Variants in NALF1 observed in about 807,000 individuals in gnomAD.
NALF1 encodes the protein family with sequence similarity 155 member A.
NALF1 carries 3 observed loss-of-function variants against 48.4 expected under a neutral mutation model. That is an observed-to-expected ratio of 0.06 (90% CI 0.03 to 0.16). The LOEUF (loss-of-function observed/expected upper bound fraction) is 0.16, where lower values mean the gene tolerates loss of function less well. Among genes scored for constraint, NALF1 ranks in the 10% least tolerant of loss-of-function variants. The probability of loss-of-function intolerance (pLI) is 1.00; values close to 1 mark genes in which losing one functional copy is unlikely to be tolerated. For synonymous variants in NALF1, 262 were observed against 245.7 expected (o/e 1.07, Z -0.62); for missense variants, 526 against 571.5 (o/e 0.92, Z 0.81).
chr13:107,459,763 C>T lies in NALF1; in HGVS notation c.916-249008G>A, dbSNP rs190577503. Among the ~76,000 whole-genome samples the T allele has an allele frequency of 3.3e-5, 5 of 152,186 alleles. No individual in the cohort carries two copies. The East Asian group carries it at 9.7e-4, about 30-fold the overall frequency. ...TTTTTTATTTTTTATTTTCTTGAGT[C>T]AGGGTCTCTCTGTGTCTCCCAGGCT... is the stretch of plus-strand genomic sequence containing the variant. On this transcript the variant is annotated intron_variant, in intron 1 of 2. Transcript: ENST00000375915.
chr13:107,840,349 C>A (rs1358693432), intron 1 of NALF1, among the ~76,000 whole-genome samples: 1 of 152,162 alleles, frequency 6.6e-6, no homozygotes. Flanking sequence ...TTATTTCTTG[C>A]ATTTTAAAAG....
chr13:107,796,381 G>A (rs9520584), intron 1 of NALF1, among the ~76,000 whole-genome samples: 50,405 of 152,000 alleles, frequency 0.33, 8,954 homozygotes, highest in Admixed American at 0.43. Flanking sequence ...ATACTTTTGT[G>A]TAATGTTTTG....
chr13:107,690,604 C>G (rs969393440), intron 1 of NALF1, among the ~76,000 whole-genome samples: 1 of 152,138 alleles, frequency 6.6e-6, no homozygotes, highest in African/African-American at 2.4e-5. Context: ...AGCAATGATA[C>G]TATCTCAAGG....
intron 1 of NALF1, among the ~76,000 whole-genome samples, chr13:107,412,445 T>G (rs1394309484): frequency 6.6e-6 from 1 of 152,154 alleles, no homozygotes; most frequent in Non-Finnish European, 1.5e-5. Context: ...ATTTCATAGA[T>G]AATTTCACAT....
Position 107,859,799 on chromosome 13 carries a change from C to CACCTACT in NALF1, c.915+5876_915+5882dup, listed in dbSNP as rs1474352205. ...GCTATAATCGCAGCTACTGTAATCCCACCTACTCAGGAGACTGAGGCAGGA... is the reference window on the plus strand; with the variant it reads ...GCTATAATCGCAGCTACTGTAATCCCACCTACTACCTACTCAGGAGACTGAGGCAGGA... On this transcript the variant is annotated intron_variant, in intron 1 of 2. Coordinates refer to ENST00000375915, the MANE Select transcript of NALF1 (RefSeq NM_001080396.3). Among the ~76,000 whole-genome samples, 40 of 151,482 alleles carry CACCTACT rather than the reference C, an allele frequency of 2.6e-4. 1 individual carries two copies. The highest frequency in any genetic ancestry group is 9.2e-4 in the African/African-American group (38 of 41,276).
At chr13:107,267,741 C>T in intron 1 of NALF1, among the ~76,000 whole-genome samples, 1 of 152,150 alleles carries the variant, frequency 6.6e-6, no homozygotes, top group Middle Eastern at 3.2e-3. Context: ...CTCACTCCAC[C>T]CTTGTGCTTT....
intron 1 of NALF1, among the ~76,000 whole-genome samples, chr13:107,371,855 T>C (rs925433206): frequency 2.6e-5 from 4 of 152,244 alleles, no homozygotes; most frequent in African/African-American, 9.6e-5. Context: ...GTGTTAACAT[T>C]TTATTACAGT....
intron 1 of NALF1, among the ~76,000 whole-genome samples, chr13:107,777,921 A>C (rs2138575731): frequency 6.6e-6 from 1 of 152,374 alleles, no homozygotes; most frequent in African/African-American, 2.4e-5. Flanking sequence ...TATTTTTACA[A>C]CATACTCCCA....
intron 1 of NALF1, among the ~76,000 whole-genome samples, chr13:107,415,793 T>C (rs571944026): frequency 6.6e-6 from 1 of 152,286 alleles, no homozygotes; most frequent in Non-Finnish European, 1.5e-5. Flanking sequence ...ATACCCAAAT[T>C]AGGTGATACA....
chr13:107,558,300 A>G (rs1490393997), intron 1 of NALF1, among the ~76,000 whole-genome samples: 4 of 152,008 alleles, frequency 2.6e-5, no homozygotes, highest in African/African-American at 4.8e-5. Context: ...ATTGTACATT[A>G]TTATTTATTC....
intron 1 of NALF1, among the ~76,000 whole-genome samples, chr13:107,822,314 A>ATTT (rs5806697): frequency 0.14 from 20,055 of 146,650 alleles, 1,608 homozygotes; most frequent in East Asian, 0.35. Flanking sequence ...ATGCAAAAGT[A>ATTT]TTTTTTTTTT....
At chr13:107,306,152 T>C (rs1881932654) in intron 1 of NALF1, among the ~76,000 whole-genome samples, 2 of 152,168 alleles carry the variant, frequency 1.3e-5, no homozygotes, top group Admixed American at 1.3e-4. Flanking sequence ...TATCCCACAG[T>C]AATTATTTAT....
intron 1 of NALF1, among the ~76,000 whole-genome samples, chr13:107,256,061 G>A (rs563086844): frequency 3.6e-4 from 54 of 152,076 alleles, no homozygotes; most frequent in African/African-American, 1.2e-3. Flanking sequence ...TACTCATCCC[G>A]GCTCCAGAAA....
chr13:107,501,674 A>G (rs1188929109), intron 1 of NALF1, among the ~76,000 whole-genome samples: 1 of 152,216 alleles, frequency 6.6e-6, no homozygotes, highest in African/African-American at 2.4e-5. Flanking sequence ...GTATGGTTTA[A>G]GAAGGCTAAA....
At chr13:107,803,954 T>A (rs945004792) in intron 1 of NALF1, among the ~76,000 whole-genome samples, 1 of 152,156 alleles carries the variant, frequency 6.6e-6, no homozygotes. Context: ...CTCAGTGAAT[T>A]GCCTAAGACA....
intron 1 of NALF1, among the ~76,000 whole-genome samples, chr13:107,528,831 T>C (rs1876528350): frequency 6.6e-6 from 1 of 152,024 alleles, no homozygotes; most frequent in South Asian, 2.1e-4. Context: ...CCCAGCACAA[T>C]CAGTTAAAGA....
chr13:107,827,264 C>T lies in NALF1; in HGVS notation c.915+38418G>A, dbSNP rs116195408. 8.5e-3 allele frequency among the ~76,000 whole-genome samples: 1,293 copies of T among 152,258 alleles called. 16 individuals are homozygous for T. Among genetic ancestry groups the T allele is most frequent in the African/African-American group, 0.03 (1,230 of 41,538 alleles). On this transcript the variant is annotated intron_variant, in intron 1 of 2. Transcript: ENST00000375915. ...ATTAAGGCATTTTCTTAAGCTGATA[C>T]TCCTTGTAGTCTTCTCAACTAAACT...
At chr13:107,786,601 G>A (rs1216783877) in intron 1 of NALF1, among the ~76,000 whole-genome samples, 5 of 151,032 alleles carry the variant, frequency 3.3e-5, no homozygotes, top group Non-Finnish European at 7.4e-5. Context: ...GCGTGGTGGC[G>A]GGTGCCTGTA....
chr13:107,271,831 T>C (rs539946225), intron 1 of NALF1, among the ~76,000 whole-genome samples: 16 of 146,056 alleles, frequency 1.1e-4, no homozygotes, highest in African/African-American at 4.0e-4. Context: ...TATATTTATA[T>C]ATACAAATAT....
Sources: allele counts gnomAD v4.1 joint callset (sites outside exome capture counted in the v4.1 genomes callset), GRCh38; gene constraint gnomAD v4.1.1; transcripts MANE v1.5; gene names NCBI Gene and HGNC (gene_info 2026-07-23, HGNC 2026-07-21).